The following MAGI1 variants were observed in gnomAD, a reference collection of about 807,000 sequenced individuals.
MAGI1 encodes membrane associated guanylate kinase, WW and PDZ domain containing 1, also known as membrane-associated guanylate kinase, WW and PDZ domain-containing protein 1.
A neutral mutation model predicts 139.9 loss-of-function variants in MAGI1; 58 were observed. That is an observed-to-expected ratio of 0.41 (90% confidence interval 0.34 to 0.52). The LOEUF (loss-of-function observed/expected upper bound fraction) is 0.52. MAGI1 is among the 20% of genes least tolerant of loss of function. The pLI is 0.12. For synonymous variants in MAGI1, 812 were observed against 737.9 expected, an observed-to-expected ratio of 1.10 and a Z score of -1.63; for missense variants, 1,874 against 1,901.6, an observed-to-expected ratio of 0.99 and a Z score of 0.27.
chr3:65,981,888 G>C (rs1048393305), intron 1 of MAGI1, among the ~76,000 whole-genome samples: 9 of 152,060 alleles, frequency 5.9e-5, no homozygotes, highest in African/African-American at 1.9e-4. Context: ...AAATTACCTA[G>C]TCTCAGGTAT....
Position 65,844,974 on chromosome 3 carries a change from C to T in MAGI1, c.313+193022G>A, listed in dbSNP as rs1018705958. On this transcript the variant is annotated intron_variant, in intron 1 of 22. Transcript: ENST00000402939. ...GCCCATTGAAATCCTTGGGCATAGG[C>T]GGGGCACGGTTGCTCACACTGTAAT... Among the ~76,000 whole-genome samples the T allele has an allele frequency of 5.3e-5, 8 of 152,154 alleles. No homozygotes were observed. In the East Asian group the frequency reaches 9.7e-4, roughly 18 times the overall value.
chr3:65,672,715 A>G (rs1027418582), intron 1 of MAGI1, among the ~76,000 whole-genome samples: 3 of 152,350 alleles, frequency 2.0e-5, no homozygotes, highest in Non-Finnish European at 4.4e-5. Flanking sequence ...TTGATCAGAT[A>G]CCAATAAATC....
intron 9 of MAGI1, among the ~76,000 whole-genome samples, chr3:65,438,419 C>T (rs1460191402): frequency 6.6e-6 from 1 of 152,132 alleles, no homozygotes; most frequent in East Asian, 1.9e-4. Context: ...TTAATGGGTA[C>T]AATGTATACT....
chr3:65,839,810 A>T lies in MAGI1; in HGVS notation c.313+198186T>A, dbSNP rs1286289064. On this transcript the variant is annotated intron_variant, in intron 1 of 22. Transcript: ENST00000402939. The stretch of plus-strand genomic sequence containing the variant: ...AGAAGACCTGTGAAGATGAAAAAAT[A>T]AGTTATGAACTGAGAGACATTACTT... Among the ~76,000 whole-genome samples the T allele has an allele frequency of 1.1e-4, 16 of 152,198 alleles. 1 individual carries two copies. Among genetic ancestry groups the T allele is most frequent in the Admixed American group, 1.0e-3 (16 of 15,274 alleles).
chr3:65,772,649 G>C (rs1417139475), intron 1 of MAGI1, among the ~76,000 whole-genome samples: 2 of 152,218 alleles, frequency 1.3e-5, no homozygotes, highest in Non-Finnish European at 2.9e-5. Context: ...ACAGGGAGCA[G>C]AGAAAAGGAA....
intron 1 of MAGI1, among the ~76,000 whole-genome samples, chr3:65,877,885 C>T (rs1171412396): frequency 1.3e-5 from 2 of 151,966 alleles, no homozygotes; most frequent in Non-Finnish European, 2.9e-5. Context: ...GGTAGGAGGA[C>T]TGCTTGAGCC....
At chr3:65,512,212 C>A in intron 2 of MAGI1, among the ~76,000 whole-genome samples, 1 of 131,320 alleles carries the variant, frequency 7.6e-6, no homozygotes. Context: ...AGGAAAGATC[C>A]AAAATTGACA....
intron 12 of MAGI1, among the ~76,000 whole-genome samples, chr3:65,416,214 T>C (rs749938520): frequency 1.3e-5 from 2 of 152,310 alleles, no homozygotes; most frequent in Middle Eastern, 3.4e-3. Context: ...TGCATACCGA[T>C]TGCAAAAATA....
intron 1 of MAGI1, among the ~76,000 whole-genome samples, chr3:65,997,439 G>A (rs1277064205): frequency 4.0e-5 from 6 of 151,892 alleles, no homozygotes; most frequent in African/African-American, 1.5e-4. Flanking sequence ...GGTGGATCAC[G>A]AGGTCAAGAG....
At chr3:65,375,706 AAAAG>A (rs544141956) in intron 18 of MAGI1, 35 bp downstream of exon 18, 143 of 1,406,414 alleles carry the variant, frequency 1.0e-4, no homozygotes, top group African/African-American at 3.8e-4. Flanking sequence ...GAGAGAGAGA[AAAAG>A]AGAGAGAGAG....
At chr3:65,588,183 G>A (rs35557878) in intron 2 of MAGI1, among the ~76,000 whole-genome samples, 18,910 of 152,078 alleles carry the variant, frequency 0.12, 1,561 homozygotes, top group Non-Finnish European at 0.19. Flanking sequence ...GGAAGCTGCC[G>A]GAAACTCTAT....
intron 2 of MAGI1, among the ~76,000 whole-genome samples, chr3:65,585,665 G>C (rs1206800277): frequency 6.6e-6 from 1 of 151,980 alleles, no homozygotes; most frequent in African/African-American, 2.4e-5. Flanking sequence ...CTCAATTCTA[G>C]GTATCTACCT....
intron 1 of MAGI1, among the ~76,000 whole-genome samples, chr3:65,739,068 C>G (rs1268162582): frequency 6.6e-6 from 1 of 152,214 alleles, no homozygotes; most frequent in African/African-American, 2.4e-5. Context: ...ACATATTCTT[C>G]CAATAGAAGG....
chr3:65,682,528 T>C (rs537731482), intron 1 of MAGI1, among the ~76,000 whole-genome samples: 23 of 152,310 alleles, frequency 1.5e-4, no homozygotes, highest in East Asian at 3.9e-4. Flanking sequence ...GAAAGGAGCA[T>C]TGACCTGCCT....
At chr3:65,534,816 C>A (rs2078884804) in intron 2 of MAGI1, among the ~76,000 whole-genome samples, 15 of 152,150 alleles carry the variant, frequency 9.9e-5, no homozygotes, top group Admixed American at 9.8e-4. Context: ...TCATTCTTGG[C>A]CACCAATCCA....
intron 1 of MAGI1, among the ~76,000 whole-genome samples, chr3:66,032,198 G>C (rs2068640545): frequency 6.9e-6 from 1 of 144,814 alleles, no homozygotes; most frequent in Non-Finnish European, 1.5e-5. Context: ...ACCAATTTTA[G>C]TGAGCACCTA....
chr3:65,376,123 T>C (rs1942496173), intron 17 of MAGI1, among the ~76,000 whole-genome samples, 178 bp from the exon 18 acceptor site: 1 of 152,202 alleles, frequency 6.6e-6, no homozygotes, highest in Non-Finnish European at 1.5e-5. Context: ...ACTCAGGGTG[T>C]CTGTATAAGG....
intron 2 of MAGI1, among the ~76,000 whole-genome samples, chr3:65,523,081 A>C (rs1469339801): frequency 6.6e-6 from 1 of 152,168 alleles, no homozygotes; most frequent in Non-Finnish European, 1.5e-5. Context: ...CCTCAACCAG[A>C]ATGTATATTT....
intron 1 of MAGI1, among the ~76,000 whole-genome samples, chr3:65,930,680 G>T (rs546694702): frequency 1.1e-4 from 17 of 152,228 alleles, no homozygotes; most frequent in South Asian, 2.1e-4. Context: ...GATTAAACAG[G>T]TTGCGGTAAA....
Sources: gnomAD v4.1 joint callset for allele counts (sites outside exome capture counted in the v4.1 genomes callset) on GRCh38, gnomAD v4.1.1 for gene constraint, MANE v1.5 for transcripts, NCBI Gene and HGNC (gene_info 2026-07-23, HGNC 2026-07-21) for gene names.